Variants in CIMAP1D observed in about 807,000 individuals in gnomAD.
CIMAP1D encodes the protein CIMAP1 family member D, also known as protein CIMAP1D.
At chr19:465,038 G>A in the CIMAP1D span, among the ~76,000 whole-genome samples, 3 of 151,566 alleles carry the variant, frequency 2.0e-5, no homozygotes, top group Non-Finnish European at 4.4e-5. Context: ...ATGAGTGAGT[G>A]GATGGGTGGA....
chr19:484,275 G>A, the CIMAP1D span, among the ~76,000 whole-genome samples: 1 of 151,562 alleles, frequency 6.6e-6, no homozygotes, highest in Non-Finnish European at 1.5e-5. Flanking sequence ...TGAGTAGCTG[G>A]GATTACAGGT....
the CIMAP1D span, among the ~76,000 whole-genome samples, chr19:486,913 CA>C: frequency 6.6e-6 from 1 of 151,354 alleles, no homozygotes; most frequent in African/African-American, 2.4e-5. Context: ...GACTCCATCT[CA>C]AAAAAAAGAA....
the CIMAP1D span, among the ~76,000 whole-genome samples, chr19:484,129 TTTTC>T: frequency 0.02 from 2,923 of 146,568 alleles, 146 homozygotes; most frequent in South Asian, 0.18. Context: ...TTTTCTTTTC[TTTTC>T]TTTTTCTTTT....
the CIMAP1D span, among the ~76,000 whole-genome samples, chr19:464,851 T>C: frequency 4.6e-5 from 7 of 152,088 alleles, no homozygotes; most frequent in African/African-American, 1.7e-4. Context: ...GGGGAGTGAA[T>C]GGTTCATGAA....
the CIMAP1D span, among the ~76,000 whole-genome samples, chr19:475,915 A>G: frequency 6.7e-6 from 1 of 148,428 alleles, no homozygotes; most frequent in Non-Finnish European, 1.5e-5. Context: ...CTGAGATTAC[A>G]GGCACCCGCC....
the CIMAP1D span, among the ~76,000 whole-genome samples, chr19:485,511 C>T: frequency 6.6e-6 from 1 of 152,206 alleles, no homozygotes; most frequent in Non-Finnish European, 1.5e-5. Flanking sequence ...TCTCACTCCA[C>T]CATCCAGGCT....
chr19:470,715 C>G, the CIMAP1D span, among the ~76,000 whole-genome samples: 1 of 152,218 alleles, frequency 6.6e-6, no homozygotes, highest in Non-Finnish European at 1.5e-5. Flanking sequence ...CAAGACCCTT[C>G]CGACCGCGCT....
the CIMAP1D span, chr19:489,217 T>G: frequency 6.6e-6 from 1 of 152,008 alleles, no homozygotes; most frequent in Non-Finnish European, 1.5e-5. Context: ...AGCTGCGCCC[T>G]GCGGGTCGAG....
chr19:467,069 GT>G, the CIMAP1D span, among the ~76,000 whole-genome samples: 3 of 112,330 alleles, frequency 2.7e-5, no homozygotes, highest in Non-Finnish European at 5.4e-5. Context: ...GGGTGGGTGG[GT>G]GGGTGGATGG....
At chr19:481,461 T>A in the CIMAP1D span, among the ~76,000 whole-genome samples, 1 of 31,600 alleles carries the variant, frequency 3.2e-5, no homozygotes, top group Non-Finnish European at 5.0e-5. Context: ...GGAAGGATGA[T>A]GGGAAGGATG....
At chr19:470,721 G>A in the CIMAP1D span, among the ~76,000 whole-genome samples, 3 of 152,140 alleles carry the variant, frequency 2.0e-5, no homozygotes, top group Non-Finnish European at 4.4e-5. Flanking sequence ...CCTTCCGACC[G>A]CGCTCCCAGC....
the CIMAP1D span, chr19:464,418 C>T: frequency 0.012 from 13,340 of 1,123,622 alleles, 119 homozygotes; most frequent in Admixed American, 0.024. Context: ...GCCCAGAGAC[C>T]CGGCCTGGCT....
the CIMAP1D span, chr19:490,044 G>A: frequency 2.5e-6 from 1 of 398,604 alleles, no homozygotes; most frequent in Non-Finnish European, 4.4e-6. Context: ...GTGGTAGTAA[G>A]TAAAATAAAT....
the CIMAP1D span, among the ~76,000 whole-genome samples, chr19:478,318 CCAGACAGCCACTAAAGG>C: frequency 6.6e-6 from 1 of 152,250 alleles, no homozygotes; most frequent in Non-Finnish European, 1.5e-5. Context: ...CCAGGCCACA[CCAGACAGCCACTAAAGG>C]CAGACAGCCA....
chr19:473,477 T>C, the CIMAP1D span, among the ~76,000 whole-genome samples: 1 of 64,858 alleles, frequency 1.5e-5, no homozygotes, highest in Non-Finnish European at 3.2e-5. Flanking sequence ...CTCCCAGAGA[T>C]ACACGGTCAC....
At chr19:481,997 A>T in the CIMAP1D span, among the ~76,000 whole-genome samples, 1 of 151,856 alleles carries the variant, frequency 6.6e-6, no homozygotes, top group Non-Finnish European at 1.5e-5. Flanking sequence ...GCTGGTCTTT[A>T]ACTCCTGGCC....
chr19:490,041 T>C, the CIMAP1D span: 1 of 398,232 alleles, frequency 2.5e-6, no homozygotes, highest in East Asian at 3.6e-5. Flanking sequence ...TGGGTGGTAG[T>C]AAGTAAAATA....
At chr19:469,906 C>T in the CIMAP1D span, among the ~76,000 whole-genome samples, 1 of 152,092 alleles carries the variant, frequency 6.6e-6, no homozygotes, top group Non-Finnish European at 1.5e-5. Flanking sequence ...CAACCCCTGG[C>T]TCAGTGCCCC....
the CIMAP1D span, among the ~76,000 whole-genome samples, chr19:481,534 G>A: frequency 1.8e-3 from 257 of 146,676 alleles, 1 homozygote; most frequent in Non-Finnish European, 1.8e-3. Flanking sequence ...GGGGAAGGAT[G>A]ATGGAGGATG....
Sources: gnomAD v4.1 joint callset for allele counts (sites outside exome capture counted in the v4.1 genomes callset) on GRCh38, gnomAD v4.1.1 for gene constraint, MANE v1.5 for transcripts, NCBI Gene and HGNC (gene_info 2026-07-23, HGNC 2026-07-21) for gene names.